The following ZFPL1 variants were observed in gnomAD, a reference collection of about 807,000 sequenced individuals.
ZFPL1 encodes the protein zinc finger protein-like 1.
ZFPL1 carries 28 observed loss-of-function variants against 32.0 expected under a neutral mutation model. The ratio of observed to expected loss-of-function variants is 0.87; its 90% CI spans 0.65 to 1.20. ZFPL1 has a LOEUF of 1.20. ZFPL1 is among the 50% of genes most tolerant of loss of function. The probability of loss-of-function intolerance (pLI) is 0.00; values close to 1 mark genes in which losing one functional copy is unlikely to be tolerated. For missense variants in ZFPL1, 386 were observed against 424.8 expected, an observed-to-expected ratio of 0.91 and a Z score of 0.80; for synonymous variants, 165 against 177.0, an observed-to-expected ratio of 0.93 and a Z score of 0.54.
intron 3 of ZFPL1, chr11:65,086,200 C>T (rs1947677752): frequency 4.5e-6 from 3 of 662,112 alleles, no homozygotes; most frequent in African/African-American, 1.8e-5. Context: ...CCCAAACTTA[C>T]CCCTGTGAGC....
Position 65,084,920 on chromosome 11 carries a change from T to C in ZFPL1, c.102+120T>C, listed in dbSNP as rs749887408. Reference sequence around the variant, plus strand: ...AAGCCCCACAAGGGCAAGGACTTGATTTATTTTGTTCACTGATATATCCCC... The same window carrying C: ...AAGCCCCACAAGGGCAAGGACTTGACTTATTTTGTTCACTGATATATCCCC... On this transcript the variant is annotated intron_variant, in intron 2 of 7. Coordinates refer to ENST00000294258, the MANE Select transcript of ZFPL1 (RefSeq NM_006782.4). 9.5e-6 allele frequency: 12 copies of C among 1,261,346 alleles called. No individual in the cohort carries two copies. In the East Asian group the frequency reaches 2.2e-4, roughly 23 times the overall value. 78.1% of individuals were successfully genotyped at this position (1,261,346 alleles called of 1,614,324 possible). A position where few individuals can be genotyped will look rare whatever the true frequency, so the allele number is the denominator to read the frequency against.
chr11:65,087,035 A>T lies in ZFPL1; in HGVS notation c.589A>T (p.Thr197Ser). 6.2e-7 allele frequency: 1 copy of T among 1,613,890 alleles called. No individual in the cohort carries two copies. Among genetic ancestry groups the T allele is most frequent in the Non-Finnish European group, 8.5e-7 (1 of 1,179,944 alleles). The change falls in exon 6 of 8, where the codon ACA becomes TCA. Residue 197 changes from threonine (T) to serine (S), a missense_variant. Physicochemically the swap from Thr to Ser is moderately conservative, Grantham distance 58. Transcript: ENST00000294258. Reference sequence around the variant, plus strand: ...TTCCCCAGGCCGGCCCGAGCAGCACACAGTGATCCACATGGGCAATCCTGA... The same window carrying T: ...TTCCCCAGGCCGGCCCGAGCAGCACTCAGTGATCCACATGGGCAATCCTGA... ...PASPGRPEQH[T>S]VIHMGNPEPL... is the part of the protein sequence containing the mutation.
In ZFPL1 at chr11:65,086,742, A is replaced by G; in HGVS notation, c.431A>G (p.Glu144Gly). 6.2e-7 allele frequency: 1 copy of G among 1,614,210 alleles called. No individual in the cohort carries two copies. Among genetic ancestry groups the G allele is most frequent in the East Asian group, 2.2e-5 (1 of 44,886 alleles). ...LPLIDEVVSP[E>G]PEPLNTSDFS... is the part of the protein sequence containing the mutation. ...CAGATCGATGAGGTGGTGAGCCCAG[A>G]GCCCGAGCCCCTCAACACGTCTGAC... is the stretch of plus-strand genomic sequence containing the variant. Residue 144 changes from glutamate to glycine, a missense_variant, in exon 5 of 8, where the codon GAG becomes GGG. Glu to Gly is a moderately conservative substitution (Grantham distance 98). Coordinates refer to ENST00000294258, the MANE Select transcript of ZFPL1 (RefSeq NM_006782.4).
chr11:65,084,923 A>C, intron 2 of ZFPL1, 123 bp downstream of exon 2: 1 of 1,240,882 alleles, frequency 8.1e-7, no homozygotes, highest in Non-Finnish European at 1.2e-6. Flanking sequence ...GACTTGATTT[A>C]TTTTGTTCAC....
At chr11:65,087,791 C>A in intron 7 of ZFPL1, 137 bp from the exon 8 acceptor site, 2 of 888,706 alleles carry the variant, frequency 2.3e-6, no homozygotes, top group Non-Finnish European at 3.3e-6. Flanking sequence ...CCTATGGTGG[C>A]AGGTGCAGGA....
intron 3 of ZFPL1, 123 bp downstream of exon 3, chr11:65,085,349 T>G: frequency 1.2e-6 from 1 of 851,374 alleles, no homozygotes; most frequent in Non-Finnish European, 1.9e-6. Context: ...CAGATTCTAG[T>G]CCTGTTAAAG....
chr11:65,087,203 C>T (rs1947688533), intron 6 of ZFPL1, 113 bp from the exon 7 acceptor site: 1 of 1,553,298 alleles, frequency 6.4e-7, no homozygotes, highest in Non-Finnish European at 8.8e-7. Flanking sequence ...GCCATTACCT[C>T]CTCACAATTC....
rs958539000 is a variant in ZFPL1 at position 65,088,273 on chromosome 11, G to A, written c.*159G>A. On this transcript the variant is annotated 3_prime_UTR_variant, in exon 8 of 8. Transcript: ENST00000294258. ...GCCAAGTCCACCAGAGTGGCTGCAGGCCAGGCCTGGAGTCCCCGTGGGTCA... is the reference window on the plus strand; with the variant it reads ...GCCAAGTCCACCAGAGTGGCTGCAGACCAGGCCTGGAGTCCCCGTGGGTCA... 1 of 1,135,202 alleles carries A rather than the reference G, an allele frequency of 8.8e-7. No individual in the cohort carries two copies. Among genetic ancestry groups the A allele is most frequent in the Non-Finnish European group, 1.2e-6 (1 of 800,512 alleles). The allele number at this position is 1,135,202 out of a possible 1,614,324, so 70.3% of individuals were successfully genotyped here. A position where few individuals can be genotyped will look rare whatever the true frequency, so the allele number is the denominator to read the frequency against.
At chr11:65,084,442 C>T (rs1446154998) in intron 1 of ZFPL1, 64 bp downstream of exon 1, 4 of 539,808 alleles carry the variant, frequency 7.4e-6, no homozygotes, top group African/African-American at 2.2e-5. Flanking sequence ...GGGGCGGGGC[C>T]GGTAGTATCG....
chr11:65,087,376 G>C lies in ZFPL1; in HGVS notation c.689G>C (p.Cys230Ser), dbSNP rs773129079. 3 of 1,614,170 alleles carry C rather than the reference G, an allele frequency of 1.9e-6. No homozygotes were observed. The South Asian group carries it at 3.3e-5, about 18-fold the overall frequency. The stretch of plus-strand genomic sequence containing the variant: ...CGGACACCAGGCCTCCATGGAGACT[G>C]TGACGATGACAAGTACCGACGTCGG... Reference protein sequence around the residue: ...DDRTPGLHGDCDDDKYRRRPA... With the variant: ...DDRTPGLHGDSDDDKYRRRPA... Residue 230 changes from cysteine to serine, a missense_variant, in exon 7 of 8, where the codon TGT becomes TCT. Cys to Ser is a moderately radical substitution (Grantham distance 112). Transcript: ENST00000294258.
At position 65,087,059 on chromosome 11, in the gene ZFPL1, G is replaced by T; in HGVS notation, c.613G>T (p.Glu205Ter). 1 of 1,613,542 alleles carries T rather than the reference G, an allele frequency of 6.2e-7. No homozygotes were observed. Among genetic ancestry groups the T allele is most frequent in the Non-Finnish European group, 8.5e-7 (1 of 1,179,734 alleles). ...CACAGTGATCCACATGGGCAATCCT[G>T]AGCCCTTGACTCACGGTGAGCCTGG... ...QHTVIHMGNP[E>*]PLTHAPRKVY... The change falls in exon 6 of 8, where the codon GAG (glutamate) becomes TAG (stop). Residue 205 changes from glutamate (E) to a stop codon, truncating the protein, a stop_gained. Coordinates refer to ENST00000294258, the MANE Select transcript of ZFPL1 (RefSeq NM_006782.4). LOFTEE classifies it high-confidence loss of function.
chr11:65,085,311 G>T, intron 3 of ZFPL1, 85 bp downstream of exon 3: 1 of 1,195,596 alleles, frequency 8.4e-7, no homozygotes, highest in South Asian at 1.2e-5. Flanking sequence ...CAAGCAGCAG[G>T]ACAGTGAGTC....
intron 6 of ZFPL1, 64 bp downstream of exon 6, chr11:65,087,138 G>GGAGCTTGA: frequency 5.7e-6 from 9 of 1,577,312 alleles, no homozygotes; most frequent in Non-Finnish European, 6.9e-6. Flanking sequence ...TTGTATAGGG[G>GGAGCTTGA]GAGCTTGAGG....
chr11:65,088,197 CT>C lies in ZFPL1; in HGVS notation c.*85del. ...GGTAATGGGGAGGCTGAGGGCACCT[CT>C]TCACTGCCCCTCTCCCTCAAGCCTA... is the stretch of plus-strand genomic sequence containing the variant. On this transcript the variant is annotated 3_prime_UTR_variant, in exon 8 of 8. Transcript: ENST00000294258. 6.8e-7 allele frequency: 1 copy of C among 1,469,962 alleles called. No homozygotes were observed. The highest frequency in any genetic ancestry group is 2.1e-5 in the Admixed American group (1 of 48,700). The allele number at this position is 1,469,962 out of a possible 1,614,324, so 91.1% of individuals were successfully genotyped here.
At chr11:65,085,295 C>T (rs1346380867) in intron 3 of ZFPL1, 69 bp downstream of exon 3, 2 of 1,379,096 alleles carry the variant, frequency 1.5e-6, no homozygotes, top group Admixed American at 1.7e-5. Context: ...GTTTCCAGGC[C>T]CTCCTCAAGC....
In ZFPL1 at chr11:65,086,558, G is replaced by A; in HGVS notation, c.358G>A (p.Glu120Lys). The change falls in exon 4 of 8, where the codon GAG becomes AAG. Residue 120 changes from glutamate (E) to lysine (K), a missense_variant. Physicochemically the swap from Glu to Lys is moderately conservative, Grantham distance 56 (BLOSUM62 1). Transcript: ENST00000294258. ...LAGPVASALR[E>K]KLATVNWARA... The stretch of plus-strand genomic sequence containing the variant: ...TGGCCCCGTGGCCTCCGCACTGAGA[G>A]AGAAGCTGGCCACAGTCAACTGGGC... The A allele has an allele frequency of 2.5e-6, 4 of 1,614,192 alleles. No homozygotes were observed. The highest frequency in any genetic ancestry group is 3.4e-6 in the Non-Finnish European group (4 of 1,180,036).
intron 7 of ZFPL1, 58 bp from the exon 8 acceptor site, chr11:65,087,870 C>A: frequency 6.7e-7 from 1 of 1,497,486 alleles, no homozygotes; most frequent in Non-Finnish European, 8.8e-7. Flanking sequence ...GGCTTCTCTC[C>A]AGCCGCGGGG....
chr11:65,086,194 AACTT>A, intron 3 of ZFPL1: 2 of 648,448 alleles, frequency 3.1e-6, no homozygotes, highest in South Asian at 3.7e-5. Flanking sequence ...TTCCTACCCA[AACTT>A]ACCCCTGTGA....
At position 65,086,408 on chromosome 11, in the gene ZFPL1, C is replaced by T. The variant is rs202117433; in HGVS notation, c.215-7C>T. On this transcript the variant is annotated splice_region_variant and splice_polypyrimidine_tract_variant and intron_variant, in intron 3 of 7. Transcript: ENST00000294258. ...TGTCTCTTCTCCCCTGTCTCATGGG[C>T]CCTAAGATCTCTTTCACTGGGCCTG... The T allele has an allele frequency of 6.8e-6, 11 of 1,614,042 alleles. No individual in the cohort carries two copies. In the Middle Eastern group the frequency reaches 6.6e-4, roughly 97 times the overall value.
Sources: allele counts gnomAD v4.1 joint callset, GRCh38; gene constraint gnomAD v4.1.1; transcripts MANE v1.5; gene names NCBI Gene and HGNC (gene_info 2026-07-23, HGNC 2026-07-21).